Variants in RAB3IP observed in about 807,000 individuals in gnomAD.
The protein encoded by RAB3IP is RAB3A interacting protein.
Under a neutral mutation model 59.1 loss-of-function variants are expected in RAB3IP, and 36 were observed. That is an observed-to-expected ratio of 0.61 (90% CI 0.47 to 0.80). The LOEUF (loss-of-function observed/expected upper bound fraction) is 0.80. Ranked by LOEUF, RAB3IP falls within the 30% of genes least tolerant of loss-of-function variation. The pLI is 0.00. For synonymous variants in RAB3IP, 207 were observed against 191.2 expected, an observed-to-expected ratio of 1.08 and a Z score of -0.68; for missense variants, 511 against 536.0, an observed-to-expected ratio of 0.95 and a Z score of 0.46.
At chr12:69,789,312 C>G (rs926026318) in intron 4 of RAB3IP, among the ~76,000 whole-genome samples, 2 of 151,888 alleles carry the variant, frequency 1.3e-5, no homozygotes, top group African/African-American at 4.8e-5. Context: ...GGAGGTATTA[C>G]AATGGATGCT....
chr12:69,758,756 C>T (rs1056389353), intron 3 of RAB3IP, among the ~76,000 whole-genome samples: 48 of 48,228 alleles, frequency 1.0e-3, no homozygotes, highest in Non-Finnish European at 1.5e-3. Context: ...GTGTTCATTC[C>T]TTTTTTTTTT....
intron 3 of RAB3IP, among the ~76,000 whole-genome samples, chr12:69,759,732 T>TG (rs1270482065): frequency 6.8e-5 from 9 of 133,158 alleles, no homozygotes; most frequent in Admixed American, 1.5e-4. Context: ...ACGGGGCGGC[T>TG]GCCGGGCGGG....
chr12:69,773,545 A>C (rs1378313677), intron 3 of RAB3IP, among the ~76,000 whole-genome samples: 1 of 132,634 alleles, frequency 7.5e-6, no homozygotes, highest in South Asian at 2.6e-4. Context: ...ATATCTCCCA[A>C]TGCTATCCCT....
At chr12:69,745,937 ATCTC>A (rs537399536) in intron 1 of RAB3IP, among the ~76,000 whole-genome samples, 1 of 152,094 alleles carries the variant, frequency 6.6e-6, no homozygotes. Context: ...GACAAAATTA[ATCTC>A]TCTCAGCCTC....
At chr12:69,803,610 T>C (rs1451950353) in intron 8 of RAB3IP, among the ~76,000 whole-genome samples, 1 of 152,076 alleles carries the variant, frequency 6.6e-6, no homozygotes, top group Non-Finnish European at 1.5e-5. Context: ...ACTCATCATT[T>C]AGCATTAGGT....
chr12:69,801,537 C>T (rs896880109), intron 7 of RAB3IP, 72 bp from the exon 8 acceptor site: 16 of 783,258 alleles, frequency 2.0e-5, no homozygotes, highest in Non-Finnish European at 2.5e-5. Context: ...TTATAAAATT[C>T]GTTTACTGTA....
chr12:69,741,653 G>C (rs1259400825), intron 1 of RAB3IP, among the ~76,000 whole-genome samples: 2 of 152,174 alleles, frequency 1.3e-5, no homozygotes, highest in Non-Finnish European at 2.9e-5. Flanking sequence ...CTATTTTGTA[G>C]TTGAGAAAAT....
chr12:69,804,811 TGCG>T (rs1346341087), intron 8 of RAB3IP, among the ~76,000 whole-genome samples: 2 of 152,240 alleles, frequency 1.3e-5, no homozygotes, highest in East Asian at 3.9e-4. Context: ...GTTGTAGATA[TGCG>T]GCATTATTTC....
chr12:69,759,774 C>T lies in RAB3IP; in HGVS notation c.510+3111C>T, dbSNP rs1277300641. On this transcript the variant is annotated intron_variant, in intron 3 of 10. Transcript: ENST00000247833. ...CCCCCCACCTCCCTCCCGGATGGGG[C>T]GGCTGGCCGGGCGGGGGCTGACCTC... Among the ~76,000 whole-genome samples the T allele has an allele frequency of 1.7e-4, 25 of 149,704 alleles. No homozygotes were observed. In the East Asian group the frequency reaches 3.2e-3, roughly 19 times the overall value.
At chr12:69,786,905 A>T (rs1024436972) in intron 4 of RAB3IP, among the ~76,000 whole-genome samples, 5 of 152,228 alleles carry the variant, frequency 3.3e-5, no homozygotes, top group African/African-American at 1.2e-4. Context: ...TACTTTCTGG[A>T]AAACAAAGTA....
rs1334465765 is a variant in RAB3IP, at chr12:69,821,629, T to A, written c.*6183T>A. 2 of 152,234 alleles carry A rather than the reference T, an allele frequency of 1.3e-5. No individual in the cohort carries two copies. The highest frequency in any genetic ancestry group is 4.8e-5 in the African/African-American group (2 of 41,458). The allele number at this position is 152,234 out of a possible 1,614,324, so 9.4% of individuals were successfully genotyped here. A position where few individuals can be genotyped will look rare whatever the true frequency, so the allele number is the denominator to read the frequency against. ...TTTGGTTTATTTTTCTGTTTGTCCA[T>A]CTTGTTTTTGAACAATTGCCAGCAT... On this transcript the variant is annotated 3_prime_UTR_variant, in exon 11 of 11. Coordinates refer to ENST00000247833, the MANE Select transcript of RAB3IP (RefSeq NM_022456.5).
intron 8 of RAB3IP, among the ~76,000 whole-genome samples, chr12:69,808,955 G>T (rs886341922): frequency 6.6e-6 from 1 of 151,798 alleles, no homozygotes; most frequent in African/African-American, 2.4e-5. Context: ...ATGTTAGCTG[G>T]TTATTTTGCT....
intron 3 of RAB3IP, among the ~76,000 whole-genome samples, chr12:69,764,626 C>T (rs1488255784): frequency 6.6e-6 from 1 of 150,804 alleles, no homozygotes; most frequent in Admixed American, 6.6e-5. Context: ...CATTCAGGCC[C>T]TTGTGTGGTT....
chr12:69,795,279 A>AGT lies in RAB3IP; in HGVS notation c.825_826dup (p.Ala276ValfsTer3). ...GCATACAAGAAATAAAAGCACAAGC[A>AGT]GTGCTATGAGTGGCAGTCATCAGGA... On this transcript the variant is annotated frameshift_variant, in exon 6 of 11. Transcript: ENST00000247833. LOFTEE classifies it high-confidence loss of function. 6.2e-7 allele frequency: 1 copy of AGT among 1,614,102 alleles called. No homozygotes were observed. Among genetic ancestry groups the AGT allele is most frequent in the Non-Finnish European group, 8.5e-7 (1 of 1,179,960 alleles).
At chr12:69,811,518 T>A (rs1357817017) in intron 8 of RAB3IP, among the ~76,000 whole-genome samples, 1 of 152,160 alleles carries the variant, frequency 6.6e-6, no homozygotes, top group East Asian at 1.9e-4. Flanking sequence ...AGAAGAATAG[T>A]GTATAAATTG....
chr12:69,761,518 C>T (rs1264043616), intron 3 of RAB3IP, among the ~76,000 whole-genome samples: 1 of 152,116 alleles, frequency 6.6e-6, no homozygotes, highest in Admixed American at 6.5e-5. Context: ...AGTGAAAGTT[C>T]TACTTACTCA....
intron 1 of RAB3IP, among the ~76,000 whole-genome samples, chr12:69,750,259 A>G (rs1408797020): frequency 6.6e-6 from 1 of 152,144 alleles, no homozygotes; most frequent in Non-Finnish European, 1.5e-5. Flanking sequence ...CTGGTAGTTG[A>G]ATGACTTGGC....
In RAB3IP at chr12:69,755,481, G is replaced by A; in HGVS notation, c.73G>A (p.Val25Met). 6.2e-7 allele frequency: 1 copy of A among 1,614,078 alleles called. No homozygotes were observed. Among genetic ancestry groups the A allele is most frequent in the Non-Finnish European group, 8.5e-7 (1 of 1,180,014 alleles). ...ASPTSPDLLG[V>M]YESGTQEQTT... ...ACCTACTTCTCCGGACCTTCTTGGTGTGTATGAATCAGGAACTCAAGAGCA... is the reference window on the plus strand; with the variant it reads ...ACCTACTTCTCCGGACCTTCTTGGTATGTATGAATCAGGAACTCAAGAGCA... The change falls in exon 2 of 11, where the codon GTG becomes ATG. Residue 25 changes from valine to methionine, a missense_variant. Transcript: ENST00000247833.
At chr12:69,755,338 A>G (rs1265015965) in intron 1 of RAB3IP, 46 bp from the exon 2 acceptor site, 12 of 1,443,000 alleles carry the variant, frequency 8.3e-6, no homozygotes, top group Non-Finnish European at 1.1e-5. Context: ...TTTAGTTTTA[A>G]ATGTTATTAT....
Sources: allele counts gnomAD v4.1 joint callset (sites outside exome capture counted in the v4.1 genomes callset), GRCh38; gene constraint gnomAD v4.1.1; transcripts MANE v1.5; gene names NCBI Gene and HGNC (gene_info 2026-07-23, HGNC 2026-07-21).